Variants in IFT43 observed in about 807,000 individuals in gnomAD.
IFT43 encodes the protein intraflagellar transport protein 43 homolog.
In IFT43, 33 loss-of-function variants were observed where a neutral mutation model predicts 32.3. The observed-to-expected ratio is 1.02, with a 90% confidence interval of 0.77 to 1.37. IFT43 has a LOEUF of 1.37. Among genes scored for constraint, IFT43 ranks in the 40% most tolerant of loss-of-function variants. The probability of loss-of-function intolerance (pLI) is 0.00; values close to 1 mark genes in which losing one functional copy is unlikely to be tolerated. For missense variants in IFT43, 274 were observed against 265.9 expected (o/e 1.03, Z -0.21); for synonymous variants, 93 against 98.2 (o/e 0.95, Z 0.31).
chr14:75,991,759 C>A (rs1390469979), intron 2 of IFT43, among the ~76,000 whole-genome samples: 2 of 152,068 alleles, frequency 1.3e-5, no homozygotes, highest in Non-Finnish European at 2.9e-5. Flanking sequence ...TGTGGGAGAA[C>A]ATGATGAAAA....
chr14:76,029,901 A>C, intron 3 of IFT43, among the ~76,000 whole-genome samples: 1 of 135,088 alleles, frequency 7.4e-6, no homozygotes, highest in African/African-American at 3.1e-5. Flanking sequence ...ATTTTATTTG[A>C]GACAGGATCT....
intron 6 of IFT43, 114 bp downstream of exon 6, chr14:76,082,481 A>C: frequency 2.4e-6 from 3 of 1,239,532 alleles, no homozygotes; most frequent in Non-Finnish European, 3.6e-6. Flanking sequence ...GTTGGGCTCC[A>C]TCCAGGGTTC....
chr14:76,055,062 G>A (rs143222858), intron 3 of IFT43, among the ~76,000 whole-genome samples: 138 of 152,318 alleles, frequency 9.1e-4, no homozygotes, highest in African/African-American at 3.2e-3. Context: ...AATACAGTCA[G>A]GGCTGAGCAC....
At chr14:76,017,960 C>G (rs1231972361) in intron 2 of IFT43, among the ~76,000 whole-genome samples, 1 of 151,830 alleles carries the variant, frequency 6.6e-6, no homozygotes, top group Non-Finnish European at 1.5e-5. Flanking sequence ...GTTGGTCTAG[C>G]TAGCAGTTTA....
chr14:75,991,722 T>G (rs2035647537), intron 2 of IFT43, among the ~76,000 whole-genome samples: 1 of 152,160 alleles, frequency 6.6e-6, no homozygotes, highest in Admixed American at 6.5e-5. Context: ...AGGTTTACCT[T>G]TTTTTAACTC....
chr14:76,070,720 G>C (rs75735353), intron 5 of IFT43, among the ~76,000 whole-genome samples: 16 of 152,210 alleles, frequency 1.1e-4, no homozygotes, highest in Non-Finnish European at 2.1e-4. Flanking sequence ...CCTTGGCGCT[G>C]TCCTCATGCT....
rs117284221 is a variant in IFT43 at position 76,025,332 on chromosome 14, A to G, written c.215+2938A>G. On this transcript the variant is annotated intron_variant, in intron 3 of 8. Coordinates refer to ENST00000314067, the MANE Select transcript of IFT43 (RefSeq NM_001102564.3). ...TTTTCATGGACTCAATATTGAGTCCATTCATGAAGACTCAATATTGTTAAA... is the reference window on the plus strand; with the variant it reads ...TTTTCATGGACTCAATATTGAGTCCGTTCATGAAGACTCAATATTGTTAAA... Among the ~76,000 whole-genome samples the G allele has an allele frequency of 4.6e-3, 701 of 152,230 alleles. 3 individuals carry two copies. The highest frequency in any genetic ancestry group is 7.1e-3 in the Non-Finnish European group (481 of 67,974).
At chr14:76,000,262 C>CTTTTTTT (rs35001298) in intron 2 of IFT43, among the ~76,000 whole-genome samples, 1 of 115,538 alleles carries the variant, frequency 8.7e-6, no homozygotes, top group Non-Finnish European at 1.8e-5. Flanking sequence ...TAACTGGCTT[C>CTTTTTTT]TTTTTTTTTT....
intron 5 of IFT43, among the ~76,000 whole-genome samples, chr14:76,062,159 C>T (rs2037147988): frequency 6.6e-6 from 1 of 151,924 alleles, no homozygotes; most frequent in Non-Finnish European, 1.5e-5. Context: ...CAAGCTCCGC[C>T]TCCTGGGTTC....
intron 2 of IFT43, among the ~76,000 whole-genome samples, chr14:76,021,700 CCT>C (rs1372074271): frequency 6.6e-6 from 1 of 152,132 alleles, no homozygotes; most frequent in Non-Finnish European, 1.5e-5. Context: ...ACATTATATT[CCT>C]CTCTGATTTT....
At chr14:76,062,079 T>TG (rs1304627559) in intron 5 of IFT43, among the ~76,000 whole-genome samples, 3 of 151,906 alleles carry the variant, frequency 2.0e-5, no homozygotes, top group African/African-American at 7.3e-5. Flanking sequence ...CCGCTTCTTT[T>TG]TTTTTTTTTT....
intron 5 of IFT43, 41 bp from the exon 6 acceptor site, chr14:76,082,254 A>G (rs771471481): frequency 1.3e-5 from 20 of 1,586,650 alleles, no homozygotes; most frequent in Middle Eastern, 3.3e-4. Context: ...CACAATCCCT[A>G]TGAGTTCTGC....
intron 3 of IFT43, among the ~76,000 whole-genome samples, chr14:76,043,498 G>T (rs1278425178): frequency 6.6e-6 from 1 of 151,748 alleles, no homozygotes; most frequent in Non-Finnish European, 1.5e-5. Flanking sequence ...ACGGAGTCTC[G>T]CTCTGTCGCC....
At chr14:76,003,022 A>C (rs563735753) in intron 2 of IFT43, among the ~76,000 whole-genome samples, 9 of 152,332 alleles carry the variant, frequency 5.9e-5, no homozygotes, top group East Asian at 1.9e-4. Context: ...ATTTCTTCTT[A>C]TTATGTGACA....
intron 5 of IFT43, among the ~76,000 whole-genome samples, chr14:76,080,975 C>G (rs1483395700): frequency 1.3e-5 from 2 of 152,092 alleles, no homozygotes; most frequent in Non-Finnish European, 1.5e-5. Context: ...ATTTTTATCC[C>G]TTTTCACTCT....
At chr14:76,022,124 G>A (rs1221118152) in intron 2 of IFT43, among the ~76,000 whole-genome samples, 3 of 152,278 alleles carry the variant, frequency 2.0e-5, no homozygotes, top group East Asian at 1.9e-4. Flanking sequence ...GGTGGTGGGC[G>A]CCTATAATCC....
intron 3 of IFT43, among the ~76,000 whole-genome samples, chr14:76,048,797 G>C (rs563163608): frequency 6.6e-6 from 1 of 152,252 alleles, no homozygotes; most frequent in South Asian, 2.1e-4. Context: ...GGTGCCCTTG[G>C]TTCTTATTTA....
At chr14:76,034,766 A>G (rs1380552237) in intron 3 of IFT43, among the ~76,000 whole-genome samples, 2 of 152,202 alleles carry the variant, frequency 1.3e-5, no homozygotes, top group Admixed American at 6.5e-5. Context: ...TGAGCCACAG[A>G]AAGGGCCAAG....
intron 5 of IFT43, among the ~76,000 whole-genome samples, chr14:76,068,369 T>G (rs1418859577): frequency 6.6e-6 from 1 of 152,250 alleles, no homozygotes; most frequent in Non-Finnish European, 1.5e-5. Flanking sequence ...ATTCTGGTCC[T>G]TTCCCAACTA....
Sources: allele counts gnomAD v4.1 joint callset (sites outside exome capture counted in the v4.1 genomes callset), GRCh38; gene constraint gnomAD v4.1.1; transcripts MANE v1.5; gene names NCBI Gene and HGNC (gene_info 2026-07-23, HGNC 2026-07-21).